SYNPR: variants seen among roughly 807,000 people sequenced by gnomAD.
SYNPR encodes the protein synaptoporin.
SYNPR carries 23 observed loss-of-function variants against 32.9 expected under a neutral mutation model. That is an observed-to-expected ratio of 0.70 (90% CI 0.50 to 0.99). SYNPR has a LOEUF of 0.99. SYNPR is among the 50% of genes least tolerant of loss of function. SYNPR has a pLI of 0.00. For missense variants in SYNPR, 318 were observed against 349.3 expected (o/e 0.91, Z 0.71); for synonymous variants, 146 against 135.9 (o/e 1.07, Z -0.52).
In SYNPR at chr3:63,543,983, G is replaced by T. The variant is rs1027763; in HGVS notation, c.210-12560G>T. ...AGCAAGTGGGCATGATGGTAGCAAA[G>T]GAGTGGCCATGATCCAGGTGACGTC... On this transcript the variant is annotated intron_variant, in intron 3 of 5. Coordinates refer to ENST00000478300, the MANE Select transcript of SYNPR (RefSeq NM_001130003.2). Among the ~76,000 whole-genome samples, 739 of 152,004 alleles carry T rather than the reference G, an allele frequency of 4.9e-3. 5 individuals are homozygous for T. The highest frequency in any genetic ancestry group is 0.017 in the African/African-American group (700 of 41,462).
In SYNPR at chr3:63,471,566, T is replaced by C. The variant is rs374368778; in HGVS notation, c.85-9266T>C. ...TCAGTAGGAATGGAACATTAAGCTT[T>C]AGAGGCATTCATCTGTCTACTGGGG... On this transcript the variant is annotated intron_variant, in intron 2 of 5. Coordinates refer to ENST00000478300, the MANE Select transcript of SYNPR (RefSeq NM_001130003.2). 1.4e-4 allele frequency among the ~76,000 whole-genome samples: 22 copies of C among 152,208 alleles called. No homozygotes were observed. The East Asian group carries it at 1.9e-3, about 13-fold the overall frequency.
At chr3:63,569,760 C>T (rs1290753156) in intron 4 of SYNPR, among the ~76,000 whole-genome samples, 1 of 152,220 alleles carries the variant, frequency 6.6e-6, no homozygotes, top group East Asian at 1.9e-4. Context: ...CCATTAACAG[C>T]TCCTCTGGCC....
chr3:63,219,062 A>G, the SYNPR span, among the ~76,000 whole-genome samples: 1 of 152,214 alleles, frequency 6.6e-6, no homozygotes, highest in Non-Finnish European at 1.5e-5. Flanking sequence ...ATATTTGCCT[A>G]AAATTTTAAG....
At chr3:63,514,675 T>C (rs1241489864) in intron 3 of SYNPR, among the ~76,000 whole-genome samples, 1 of 152,142 alleles carries the variant, frequency 6.6e-6, no homozygotes, top group African/African-American at 2.4e-5. Context: ...AGTAATAAAG[T>C]GAAGAAACAG....
intron 1 of SYNPR, among the ~76,000 whole-genome samples, chr3:63,250,519 C>G (rs148545906): frequency 6.6e-6 from 1 of 152,012 alleles, no homozygotes; most frequent in South Asian, 2.1e-4. Context: ...AGAGCTCTTA[C>G]GAGTCCCAGT....
chr3:63,202,946 A>C, the SYNPR span, among the ~76,000 whole-genome samples: 2 of 151,556 alleles, frequency 1.3e-5, no homozygotes, highest in African/African-American at 4.9e-5. Context: ...GAATACAGAA[A>C]ATTTGATTTC....
At chr3:63,612,918 TTCTCTTCTCC>T (rs1447507423) in intron 5 of SYNPR, among the ~76,000 whole-genome samples, 3 of 125,820 alleles carry the variant, frequency 2.4e-5, no homozygotes, top group Admixed American at 9.0e-5. Flanking sequence ...CTCTCCTCTC[TTCTCTTCTCC>T]TCTCTTCTCC....
intron 4 of SYNPR, among the ~76,000 whole-genome samples, chr3:63,566,524 A>C (rs1313233868): frequency 6.6e-6 from 1 of 152,138 alleles, no homozygotes; most frequent in Non-Finnish European, 1.5e-5. Flanking sequence ...AGGGACATGA[A>C]GTCAAATAAA....
intron 2 of SYNPR, among the ~76,000 whole-genome samples, chr3:63,343,024 G>A (rs1438525416): frequency 1.3e-5 from 2 of 152,162 alleles, no homozygotes; most frequent in Admixed American, 6.5e-5. Context: ...TGTGAGCTAA[G>A]GCCTGAAGGG....
At chr3:63,255,433 A>G (rs1313767527) in intron 2 of SYNPR, among the ~76,000 whole-genome samples, 1 of 152,212 alleles carries the variant, frequency 6.6e-6, no homozygotes, top group Admixed American at 6.5e-5. Flanking sequence ...CAGTTATGCC[A>G]AGGTACTACA....
the SYNPR span, among the ~76,000 whole-genome samples, chr3:63,201,279 C>T: frequency 6.6e-6 from 1 of 152,128 alleles, no homozygotes; most frequent in Non-Finnish European, 1.5e-5. Context: ...AAGATGTGTT[C>T]ACCAGCAAAG....
the SYNPR span, among the ~76,000 whole-genome samples, chr3:63,218,062 G>A: frequency 6.6e-6 from 1 of 152,104 alleles, no homozygotes; most frequent in South Asian, 2.1e-4. Context: ...GGCAACGGGA[G>A]GTGGAGGTTG....
At chr3:63,354,693 G>T (rs2087551718) in intron 2 of SYNPR, among the ~76,000 whole-genome samples, 1 of 152,142 alleles carries the variant, frequency 6.6e-6, no homozygotes, top group Non-Finnish European at 1.5e-5. Context: ...TTACAAAGAC[G>T]CCTGACATAG....
chr3:63,291,121 A>G (rs925025040), intron 2 of SYNPR, among the ~76,000 whole-genome samples: 2 of 152,176 alleles, frequency 1.3e-5, no homozygotes, highest in African/African-American at 4.8e-5. Context: ...CTGGATTTGA[A>G]GCCATGCAAG....
At chr3:63,383,903 C>T (rs2088007948) in intron 2 of SYNPR, among the ~76,000 whole-genome samples, 1 of 152,172 alleles carries the variant, frequency 6.6e-6, no homozygotes, top group Admixed American at 6.5e-5. Flanking sequence ...CACACACATA[C>T]ACAAAAGGGT....
chr3:63,272,110 C>G (rs2086541505), intron 3 of SYNPR, among the ~76,000 whole-genome samples: 1 of 152,154 alleles, frequency 6.6e-6, no homozygotes. Context: ...TAGACCATCT[C>G]CTTTCCATTG....
At chr3:63,524,922 G>A (rs1196238335) in intron 3 of SYNPR, among the ~76,000 whole-genome samples, 1 of 151,456 alleles carries the variant, frequency 6.6e-6, no homozygotes, top group Non-Finnish European at 1.5e-5. Context: ...TTAATTGAAT[G>A]TGTCACTGAC....
chr3:63,463,959 C>T (rs1281921598), intron 2 of SYNPR, among the ~76,000 whole-genome samples: 1 of 151,892 alleles, frequency 6.6e-6, no homozygotes, highest in Non-Finnish European at 1.5e-5. Context: ...ATGTAGATGC[C>T]TTTTTTCGTA....
At chr3:63,436,980 A>C (rs1470284294) in intron 2 of SYNPR, among the ~76,000 whole-genome samples, 5 of 152,036 alleles carry the variant, frequency 3.3e-5, no homozygotes, top group African/African-American at 1.2e-4. Flanking sequence ...GGGTTCAAGC[A>C]ATTCTCCTGC....
Sources: allele counts gnomAD v4.1 joint callset (sites outside exome capture counted in the v4.1 genomes callset), GRCh38; gene constraint gnomAD v4.1.1; transcripts MANE v1.5; gene names NCBI Gene and HGNC (gene_info 2026-07-23, HGNC 2026-07-21).